TMPRSS15: variants seen among roughly 807,000 people sequenced by gnomAD.
TMPRSS15 encodes enteropeptidase.
A neutral mutation model predicts 125.3 loss-of-function variants in TMPRSS15; 128 were observed. The observed-to-expected ratio is 1.02, with a 90% CI of 0.89 to 1.18. The LOEUF (loss-of-function observed/expected upper bound fraction) is 1.18. Ranked by LOEUF, TMPRSS15 falls within the 50% of genes most tolerant of loss-of-function variation. TMPRSS15 has a pLI of 0.00. For synonymous variants in TMPRSS15, 446 were observed against 423.2 expected, an observed-to-expected ratio of 1.05 and a Z score of -0.66; for missense variants, 1,283 against 1,212.7, an observed-to-expected ratio of 1.06 and a Z score of -0.86.
intron 1 of TMPRSS15, among the ~76,000 whole-genome samples, chr21:18,423,431 CAG>C (rs2076196330): frequency 1.4e-5 from 2 of 138,816 alleles, no homozygotes; most frequent in African/African-American, 5.4e-5. Context: ...TTTTTTGAGA[CAG>C]AGTCTCGCTC....
In TMPRSS15 at chr21:18,466,820, A is replaced by G. The variant is rs1413276525; in HGVS notation, c.10+18979T>C. Among the ~76,000 whole-genome samples, 3 of 152,196 alleles carry G rather than the reference A, an allele frequency of 2.0e-5. No individual in the cohort carries two copies. The East Asian group carries it at 5.8e-4, about 29-fold the overall frequency. On this transcript the variant is annotated intron_variant, in intron 1 of 7. Coordinates refer to the TMPRSS15 transcript ENST00000422787. ...TTGTACACAGTTGGTGAGAGTGTAA[A>G]TTAGTTCAACCATTGTGGAAGACAG...
At chr21:18,394,060 G>C (rs2076012378) in intron 3 of TMPRSS15, among the ~76,000 whole-genome samples, 2 of 152,070 alleles carry the variant, frequency 1.3e-5, no homozygotes, top group African/African-American at 4.8e-5. Flanking sequence ...ATGTTGACAG[G>C]ATAAAAATAT....
chr21:18,455,000 T>A (rs1438420494), intron 1 of TMPRSS15, among the ~76,000 whole-genome samples: 2 of 152,054 alleles, frequency 1.3e-5, no homozygotes, highest in African/African-American at 4.8e-5. Flanking sequence ...GTGTCATGGG[T>A]GGGACCCAGT....
rs1427847002 is a variant in TMPRSS15 at position 18,269,956 on chromosome 21, T to C, written c.*13A>G. The C allele has an allele frequency of 6.2e-7, 1 of 1,613,568 alleles. No homozygotes were observed. The highest frequency in any genetic ancestry group is 8.5e-7 in the Non-Finnish European group (1 of 1,179,608). On this transcript the variant is annotated 3_prime_UTR_variant, in exon 25 of 25. Transcript: ENST00000284885. ...AAAATAATGCGACTTTCCTGTTTAGTTTAAGAAATGCGCTAATGTAGAAAA... is the reference window on the plus strand; with the variant it reads ...AAAATAATGCGACTTTCCTGTTTAGCTTAAGAAATGCGCTAATGTAGAAAA...
chr21:18,431,637 C>T (rs1333774297), intron 1 of TMPRSS15, among the ~76,000 whole-genome samples: 1 of 152,034 alleles, frequency 6.6e-6, no homozygotes. Flanking sequence ...TGTGTTCAAA[C>T]TATGAGTCCA....
At chr21:18,288,043 T>C (rs2146885514) in intron 21 of TMPRSS15, among the ~76,000 whole-genome samples, 1 of 152,294 alleles carries the variant, frequency 6.6e-6, no homozygotes, top group African/African-American at 2.4e-5. Context: ...TGTGTGTTTA[T>C]AACAGCACTA....
At chr21:18,367,864 G>T (rs745435893) in intron 6 of TMPRSS15, among the ~76,000 whole-genome samples, 1 of 152,082 alleles carries the variant, frequency 6.6e-6, no homozygotes, top group Admixed American at 6.6e-5. Flanking sequence ...AAGCAAGGCA[G>T]CCTTATTCTA....
At chr21:18,348,845 T>C (rs2075535686) in intron 10 of TMPRSS15, among the ~76,000 whole-genome samples, 1 of 152,224 alleles carries the variant, frequency 6.6e-6, no homozygotes, top group Non-Finnish European at 1.5e-5. Flanking sequence ...TTATAATACC[T>C]AACATTTATA....
chr21:18,301,934 CAT>C (rs1034247611), intron 18 of TMPRSS15, among the ~76,000 whole-genome samples: 1 of 152,080 alleles, frequency 6.6e-6, no homozygotes, highest in African/African-American at 2.4e-5. Context: ...AAAATATACT[CAT>C]AGATGAATTC....
chr21:18,332,016 G>T, intron 14 of TMPRSS15, 68 bp downstream of exon 14: 4 of 1,357,044 alleles, frequency 2.9e-6, no homozygotes, highest in Non-Finnish European at 2.1e-6. Context: ...CTACTTTGCT[G>T]CGTCAAGGGG....
intron 7 of TMPRSS15, among the ~76,000 whole-genome samples, chr21:18,362,634 G>A (rs1303118386): frequency 6.6e-6 from 1 of 151,692 alleles, no homozygotes; most frequent in Non-Finnish European, 1.5e-5. Context: ...TTTTTTGAAG[G>A]GATTAAATTA....
intron 12 of TMPRSS15, 137 bp downstream of exon 12, chr21:18,343,369 T>G: frequency 3.9e-6 from 3 of 760,358 alleles, no homozygotes; most frequent in Non-Finnish European, 6.3e-6. Context: ...AGGTAAAATG[T>G]GAGGTAGATT....
intron 1 of TMPRSS15, among the ~76,000 whole-genome samples, chr21:18,439,618 G>C (rs1398664001): frequency 6.6e-6 from 1 of 152,054 alleles, no homozygotes; most frequent in East Asian, 1.9e-4. Context: ...TTTGAATGTG[G>C]GAGTGTTATC....
chr21:18,425,447 A>G (rs2076200653), intron 1 of TMPRSS15, among the ~76,000 whole-genome samples: 2 of 152,100 alleles, frequency 1.3e-5, no homozygotes, highest in Admixed American at 1.3e-4. Context: ...GAGATTAGTG[A>G]AAAGAAGTTT....
At chr21:18,346,987 A>C (rs1275645959) in intron 10 of TMPRSS15, among the ~76,000 whole-genome samples, 1 of 152,170 alleles carries the variant, frequency 6.6e-6, no homozygotes, top group Non-Finnish European at 1.5e-5. Context: ...ACTTCTGCAA[A>C]ATTAGATAAT....
At chr21:18,376,644 A>C (rs1188341665) in intron 5 of TMPRSS15, among the ~76,000 whole-genome samples, 1 of 152,180 alleles carries the variant, frequency 6.6e-6, no homozygotes, top group African/African-American at 2.4e-5. Flanking sequence ...ACAGTAAAGG[A>C]CTAGAACAAG....
chr21:18,329,055 T>A (rs1378769627), intron 15 of TMPRSS15, 114 bp downstream of exon 15: 5 of 1,199,166 alleles, frequency 4.2e-6, no homozygotes, highest in Non-Finnish European at 6.1e-6. Context: ...TTTACTATTG[T>A]ATTTTCATTT....
intron 7 of TMPRSS15, among the ~76,000 whole-genome samples, chr21:18,363,635 G>A (rs1223539875): frequency 6.6e-6 from 1 of 152,040 alleles, no homozygotes; most frequent in East Asian, 1.9e-4. Flanking sequence ...TTAAATAAGT[G>A]CTAGAGTTAA....
chr21:18,324,267 A>G (rs571357066), intron 16 of TMPRSS15, among the ~76,000 whole-genome samples: 1 of 152,136 alleles, frequency 6.6e-6, no homozygotes, highest in African/African-American at 2.4e-5. Flanking sequence ...TTTTTCCTGC[A>G]TGCCCATTAC....
Sources: gnomAD v4.1 joint callset for allele counts (sites outside exome capture counted in the v4.1 genomes callset) on GRCh38, gnomAD v4.1.1 for gene constraint, MANE v1.5 for transcripts, NCBI Gene and HGNC (gene_info 2026-07-23, HGNC 2026-07-21) for gene names.